Variants in WDR48 observed in about 807,000 individuals in gnomAD.
The protein encoded by WDR48 is WD repeat domain 48, also known as WD repeat-containing protein 48.
In WDR48, 22 loss-of-function variants were observed where a neutral mutation model predicts 94.0. That is an observed-to-expected ratio of 0.23 (90% confidence interval 0.17 to 0.33). The LOEUF is 0.33. Among genes scored for constraint, WDR48 ranks in the 10% least tolerant of loss-of-function variants. The probability of loss-of-function intolerance (pLI) is 1.00; values close to 1 mark genes in which losing one functional copy is unlikely to be tolerated. For synonymous variants in WDR48, 278 were observed against 280.5 expected (o/e 0.99, Z 0.09); for missense variants, 541 against 813.8 (o/e 0.66, Z 4.08).
chr3:39,069,638 C>T lies in WDR48; in HGVS notation c.571-5C>T, dbSNP rs769050061. ...GTTTGTGTAATACTCTATTAAAATT[C>T]ACAGGTGTTACGGGTATGGGATCCA... is the stretch of plus-strand genomic sequence containing the variant. On this transcript the variant is annotated splice_region_variant and splice_polypyrimidine_tract_variant and intron_variant, in intron 6 of 18. Coordinates refer to ENST00000302313, the MANE Select transcript of WDR48 (RefSeq NM_020839.4). The T allele has an allele frequency of 1.2e-6, 2 of 1,606,360 alleles. No individual in the cohort carries two copies. The highest frequency in any genetic ancestry group is 1.3e-5 in the African/African-American group (1 of 74,402).
At chr3:39,053,845 T>G (rs1343211820) in intron 1 of WDR48, among the ~76,000 whole-genome samples, 2 of 152,208 alleles carry the variant, frequency 1.3e-5, no homozygotes, top group African/African-American at 2.4e-5. Context: ...AGGCTGAATG[T>G]GAGCCAGTGC....
At chr3:39,068,908 A>C in intron 6 of WDR48, 49 bp downstream of exon 6, 1 of 1,329,096 alleles carries the variant, frequency 7.5e-7, no homozygotes, top group East Asian at 2.3e-5. Context: ...TATTTTTCAC[A>C]TACCTTGTCT....
At position 39,095,789 on chromosome 3, in the gene WDR48, T is replaced by C. The variant is rs1055458598; in HGVS notation, c.*1046T>C. On this transcript the variant is annotated 3_prime_UTR_variant, in exon 19 of 19. Coordinates refer to ENST00000302313, the MANE Select transcript of WDR48 (RefSeq NM_020839.4). ...CTGTTCTAACAATCTAACACTTTCATAGAATCATTTGGATCTTGTATAGAG... is the reference window on the plus strand; with the variant it reads ...CTGTTCTAACAATCTAACACTTTCACAGAATCATTTGGATCTTGTATAGAG... 8 of 152,706 alleles carry C rather than the reference T, an allele frequency of 5.2e-5. No individual in the cohort carries two copies. The highest frequency in any genetic ancestry group is 8.8e-5 in the Non-Finnish European group (6 of 68,054). The allele number at this position is 152,706 out of a possible 1,614,324, so 9.5% of individuals were successfully genotyped here.
chr3:39,090,547 A>G (rs2035027938), intron 16 of WDR48: 1 of 152,300 alleles, frequency 6.6e-6, no homozygotes, highest in South Asian at 2.1e-4. Flanking sequence ...TATGATAATT[A>G]TGTCTAGCTC....
At chr3:39,091,362 G>A (rs1308517951) in intron 16 of WDR48, 2 of 226,492 alleles carry the variant, frequency 8.8e-6, no homozygotes, top group East Asian at 1.0e-4. Context: ...AAAAATTAAA[G>A]TTTGTTTCCC....
chr3:39,096,184 T>G lies in WDR48; in HGVS notation c.*1441T>G, dbSNP rs2125691859. ...AGGGTTCCCTCACTGCTAGTCAGCTTCTTTTGGAAACTGGACAGGCCATTG... is the reference window on the plus strand; with the variant it reads ...AGGGTTCCCTCACTGCTAGTCAGCTGCTTTTGGAAACTGGACAGGCCATTG... On this transcript the variant is annotated 3_prime_UTR_variant, in exon 19 of 19. Transcript: ENST00000302313. 6.6e-6 allele frequency: 1 copy of G among 152,590 alleles called. No individual in the cohort carries two copies. Among genetic ancestry groups the G allele is most frequent in the South Asian group, 2.1e-4 (1 of 4,828 alleles). 9.5% of individuals were successfully genotyped at this position (152,590 alleles called of 1,614,324 possible). A position where few individuals can be genotyped will look rare whatever the true frequency, so the allele number is the denominator to read the frequency against.
chr3:39,068,885 T>TAAA, intron 6 of WDR48, 26 bp downstream of exon 6: 3 of 1,344,242 alleles, frequency 2.2e-6, no homozygotes, highest in Non-Finnish European at 2.0e-6. Flanking sequence ...TTTCTTTATT[T>TAAA]AAAAAAAAAA....
At chr3:39,052,349 T>G (rs1208315116) in intron 1 of WDR48, 4 of 443,524 alleles carry the variant, frequency 9.0e-6, no homozygotes, top group African/African-American at 8.6e-5. Context: ...GGAGTGGACT[T>G]GCGGGGTCGG....
At chr3:39,060,906 G>A (rs568628539) in intron 1 of WDR48, among the ~76,000 whole-genome samples, 1 of 152,344 alleles carries the variant, frequency 6.6e-6, no homozygotes, top group South Asian at 2.1e-4. Context: ...GGTAGAGGAT[G>A]TAGTAAGCCA....
intron 5 of WDR48, among the ~76,000 whole-genome samples, chr3:39,067,423 G>A (rs752566114): frequency 1.1e-4 from 17 of 152,140 alleles, no homozygotes; most frequent in Non-Finnish European, 2.4e-4. Context: ...GAGCCAGAAC[G>A]GTAGAGTGCT....
At position 39,093,892 on chromosome 3, in the gene WDR48, T is replaced by C; in HGVS notation, c.1764T>C (p.Ser588=). ...TTTACAGAGATAGACTCTCTGCTAG[T>C]GACATGCTCCAAGTCCGAAAAGTTA... The part of the protein sequence containing the change: ...KTLKKDRLSA[S]DMLQVRKVME... Residue 588 remains serine, a synonymous_variant, in exon 18 of 19, where the codon AGT becomes AGC. Transcript: ENST00000302313. The C allele has an allele frequency of 6.2e-7, 1 of 1,609,610 alleles. No homozygotes were observed. The highest frequency in any genetic ancestry group is 8.5e-7 in the Non-Finnish European group (1 of 1,178,572).
In WDR48 at chr3:39,065,812, A is replaced by T; in HGVS notation, c.191A>T (p.Gln64Leu). The change falls in exon 3 of 19, where the codon CAA becomes CTA. Residue 64 changes from glutamine to leucine, a missense_variant and splice_region_variant. Coordinates refer to ENST00000302313, the MANE Select transcript of WDR48 (RefSeq NM_020839.4). Reference sequence around the variant, plus strand: ...TTAGGATTTTTCTTTTAATTTCAGCAAGATCCATATATAGCATCTATGGAA... The same window carrying T: ...TTAGGATTTTTCTTTTAATTTCAGCTAGATCCATATATAGCATCTATGGAA... ...IRIWSVNQHK[Q>L]DPYIASMEHH... 6.3e-7 allele frequency: 1 copy of T among 1,595,314 alleles called. No homozygotes were observed. Among genetic ancestry groups the T allele is most frequent in the South Asian group, 1.1e-5 (1 of 86,984 alleles).
At chr3:39,074,700 C>CT (rs764754294) in intron 7 of WDR48, 26 bp from the exon 8 acceptor site, 145 of 1,609,792 alleles carry the variant, frequency 9.0e-5, no homozygotes, top group Non-Finnish European at 1.2e-4. Context: ...GTGGCAAGTT[C>CT]TAACTTTGCC....
At chr3:39,076,696 T>C (rs1053393130) in intron 8 of WDR48, among the ~76,000 whole-genome samples, 1 of 152,224 alleles carries the variant, frequency 6.6e-6, no homozygotes, top group Non-Finnish European at 1.5e-5. Flanking sequence ...TATTCCCAGG[T>C]GTCCCGTCCT....
intron 16 of WDR48, 76 bp from the exon 17 acceptor site, chr3:39,091,549 A>T: frequency 9.2e-7 from 1 of 1,092,846 alleles, no homozygotes; most frequent in Non-Finnish European, 1.3e-6. Context: ...CTTGCAAGTC[A>T]TGTTTTCCTA....
intron 7 of WDR48, among the ~76,000 whole-genome samples, chr3:39,074,133 ACAGCTAC>A (rs1179593260): frequency 2.0e-5 from 3 of 152,214 alleles, no homozygotes; most frequent in Non-Finnish European, 4.4e-5. Flanking sequence ...CCTAGTGCAT[ACAGCTAC>A]CTTCATTTCC....
Position 39,095,654 on chromosome 3 carries a change from G to A in WDR48, c.*911G>A, listed in dbSNP as rs554710254. ...AAAATTTATGGTGTCAGAATAAAGG[G>A]AGATCATAGTGAGTTAATTTGATAT... is the stretch of plus-strand genomic sequence containing the variant. On this transcript the variant is annotated 3_prime_UTR_variant, in exon 19 of 19. Transcript: ENST00000302313. 6.6e-6 allele frequency: 1 copy of A among 152,354 alleles called. No individual in the cohort carries two copies. The highest frequency in any genetic ancestry group is 2.1e-4 in the South Asian group (1 of 4,822). The allele number at this position is 152,354 out of a possible 1,614,324, so 9.4% of individuals were successfully genotyped here. A position where few individuals can be genotyped will look rare whatever the true frequency, so the allele number is the denominator to read the frequency against.
At chr3:39,071,800 T>C (rs2033949039) in intron 7 of WDR48, among the ~76,000 whole-genome samples, 2 of 152,070 alleles carry the variant, frequency 1.3e-5, no homozygotes, top group Admixed American at 1.3e-4. Flanking sequence ...TTTACGTTAG[T>C]GAATTGATCA....
rs143890402 is a variant in WDR48 at position 39,088,138 on chromosome 3, G to A, written c.1485G>A (p.Glu495=). 707 of 1,614,154 alleles carry A rather than the reference G, an allele frequency of 4.4e-4. 6 individuals carry two copies. The African/African-American group carries it at 7.1e-3, about 16-fold the overall frequency. The change falls in exon 15 of 19, where the codon GAG becomes GAA. Residue 495 remains glutamate (E), a synonymous_variant. Coordinates refer to ENST00000302313, the MANE Select transcript of WDR48 (RefSeq NM_020839.4). ...TGCATCTTTTCCTAGTAAATGGGGA[G>A]CAGGAGAACCGAGTGCAGAAGGGAA... The part of the protein sequence containing the change: ...EENEVNHVNG[E]QENRVQKGNG...
Sources: gnomAD v4.1 joint callset for allele counts (sites outside exome capture counted in the v4.1 genomes callset) on GRCh38, gnomAD v4.1.1 for gene constraint, MANE v1.5 for transcripts, NCBI Gene and HGNC (gene_info 2026-07-23, HGNC 2026-07-21) for gene names.